Variants in TIMD4 observed in about 807,000 individuals in gnomAD.
TIMD4 encodes T cell immunoglobulin and mucin domain containing 4, also known as T-cell immunoglobulin and mucin domain-containing protein 4.
Under a neutral mutation model 41.2 loss-of-function variants are expected in TIMD4, and 31 were observed. That is an observed-to-expected ratio of 0.75 (90% CI 0.57 to 1.01). The LOEUF (loss-of-function observed/expected upper bound fraction) is 1.01. TIMD4 is among the 50% of genes least tolerant of loss of function. TIMD4 has a pLI of 0.00. For synonymous variants in TIMD4, 204 were observed against 177.1 expected, an observed-to-expected ratio of 1.15 and a Z score of -1.21; for missense variants, 479 against 472.5, an observed-to-expected ratio of 1.01 and a Z score of -0.13.
At chr5:156,960,142 C>T (rs549728723) in intron 1 of TIMD4, among the ~76,000 whole-genome samples, 2 of 152,146 alleles carry the variant, frequency 1.3e-5, no homozygotes, top group South Asian at 4.2e-4. Context: ...CAGGTGCTGC[C>T]TCCTTCAAGC....
At chr5:156,962,764 G>A (rs548582884) in intron 1 of TIMD4, among the ~76,000 whole-genome samples, 2 of 152,034 alleles carry the variant, frequency 1.3e-5, no homozygotes, top group Non-Finnish European at 2.9e-5. Context: ...AAAAACAGAG[G>A]GAATGATAAG....
At chr5:156,948,050 G>C (rs749332738) in intron 5 of TIMD4, among the ~76,000 whole-genome samples, 1 of 152,224 alleles carries the variant, frequency 6.6e-6, no homozygotes, top group Non-Finnish European at 1.5e-5. Context: ...CAGAGGAGAG[G>C]AGAAGCCAGC....
intron 5 of TIMD4, among the ~76,000 whole-genome samples, chr5:156,936,357 TACTGAGC>T (rs1759539596): frequency 1.3e-5 from 2 of 152,246 alleles, no homozygotes; most frequent in Admixed American, 1.3e-4. Flanking sequence ...GGCTACCATA[TACTGAGC>T]ACTTACTGCA....
At chr5:156,936,276 G>A (rs1759538192) in intron 5 of TIMD4, among the ~76,000 whole-genome samples, 2 of 152,102 alleles carry the variant, frequency 1.3e-5, no homozygotes, top group Non-Finnish European at 2.9e-5. Context: ...TCTTGATTGA[G>A]GGAGGTGGGA....
chr5:156,923,104 C>T (rs575931512), intron 6 of TIMD4, among the ~76,000 whole-genome samples: 1 of 151,086 alleles, frequency 6.6e-6, no homozygotes, highest in South Asian at 2.1e-4. Context: ...CGCTATGTTG[C>T]CCAGGCTGGG....
At chr5:156,958,733 A>C (rs555081397) in intron 1 of TIMD4, among the ~76,000 whole-genome samples, 2 of 152,328 alleles carry the variant, frequency 1.3e-5, no homozygotes, top group South Asian at 4.2e-4. Context: ...CAAGTTGACA[A>C]AGATGCCTAT....
At chr5:156,927,978 A>G (rs1759378517) in intron 5 of TIMD4, among the ~76,000 whole-genome samples, 3 of 152,228 alleles carry the variant, frequency 2.0e-5, no homozygotes, top group African/African-American at 7.2e-5. Context: ...GGGAGTCATC[A>G]GTATCCAGGG....
chr5:156,944,021 C>T (rs942818353), intron 5 of TIMD4, among the ~76,000 whole-genome samples: 1 of 150,650 alleles, frequency 6.6e-6, no homozygotes, highest in Non-Finnish European at 1.5e-5. Flanking sequence ...GACCATGCCA[C>T]TGCACTCCAG....
rs1168899652 is a variant in TIMD4, at chr5:156,937,139, C to CA, written c.845-10828dup. Among the ~76,000 whole-genome samples the CA allele has an allele frequency of 2.0e-5, 3 of 152,158 alleles. No homozygotes were observed. In the East Asian group the frequency reaches 5.8e-4, roughly 29 times the overall value. On this transcript the variant is annotated intron_variant, in intron 5 of 8. Transcript: ENST00000274532. ...AGTCTATGAGCTAAGTAAACTTGGG[C>CA]AGACTTATTGAAAGAGGAGGAAATG...
chr5:156,954,269 T>C, intron 2 of TIMD4, 146 bp downstream of exon 2: 2 of 820,750 alleles, frequency 2.4e-6, no homozygotes, highest in Non-Finnish European at 3.7e-6. Context: ...ACTTGCCTAC[T>C]TCAAACCACG....
chr5:156,955,132 C>T (rs1759948201), intron 1 of TIMD4, among the ~76,000 whole-genome samples: 2 of 152,168 alleles, frequency 1.3e-5, no homozygotes, highest in Admixed American at 1.3e-4. Context: ...GCCTTGCTTA[C>T]TCCTGTGCTC....
At chr5:156,924,253 C>A in intron 6 of TIMD4, 1 of 384,996 alleles carries the variant, frequency 2.6e-6, no homozygotes, top group South Asian at 2.1e-5. Flanking sequence ...CTACTAAGTT[C>A]TCGAGGGCTA....
intron 1 of TIMD4, among the ~76,000 whole-genome samples, chr5:156,956,975 C>T (rs1418822565): frequency 1.6e-4 from 24 of 152,064 alleles, no homozygotes; most frequent in Admixed American, 1.6e-3. Flanking sequence ...GACATGAGCC[C>T]TAAGAGTCAC....
intron 5 of TIMD4, among the ~76,000 whole-genome samples, chr5:156,936,871 G>A (rs1325254639): frequency 6.6e-6 from 1 of 150,834 alleles, no homozygotes; most frequent in African/African-American, 2.4e-5. Context: ...GGCAGAGGTT[G>A]CAGTGAGCCG....
intron 5 of TIMD4, 64 bp downstream of exon 5, chr5:156,948,352 T>TA (rs1007546719): frequency 2.5e-3 from 2,275 of 914,534 alleles, no homozygotes; most frequent in Middle Eastern, 4.2e-3. Context: ...AGATTCTGTC[T>TA]AAAAAAAATA....
intron 6 of TIMD4, 107 bp from the exon 7 acceptor site, chr5:156,922,323 C>T (rs1177941577): frequency 5.6e-6 from 5 of 885,022 alleles, no homozygotes; most frequent in Non-Finnish European, 7.3e-6. Context: ...AGTTTCACTA[C>T]ATTTCACCAC....
chr5:156,934,195 T>C (rs1759497243), intron 5 of TIMD4, among the ~76,000 whole-genome samples: 1 of 152,266 alleles, frequency 6.6e-6, no homozygotes, highest in Non-Finnish European at 1.5e-5. Context: ...AATACATTTA[T>C]TGAGCTCTTA....
chr5:156,960,519 G>T (rs1242714627), intron 1 of TIMD4, among the ~76,000 whole-genome samples: 6 of 149,678 alleles, frequency 4.0e-5, no homozygotes, highest in Non-Finnish European at 8.8e-5. Context: ...CGATTCTCCT[G>T]CCTCAGCCTC....
intron 5 of TIMD4, among the ~76,000 whole-genome samples, chr5:156,944,105 G>A (rs1032850636): frequency 1.2e-4 from 18 of 151,948 alleles, no homozygotes; most frequent in African/African-American, 2.9e-4. Flanking sequence ...TCCCATAGGC[G>A]AAAAGTATGA....
Sources: gnomAD v4.1 joint callset for allele counts (sites outside exome capture counted in the v4.1 genomes callset) on GRCh38, gnomAD v4.1.1 for gene constraint, MANE v1.5 for transcripts, NCBI Gene and HGNC (gene_info 2026-07-23, HGNC 2026-07-21) for gene names.